Variants in NELL1 observed in about 807,000 individuals in gnomAD.
The protein encoded by NELL1 is protein kinase C-binding protein NELL1.
In NELL1, 76 loss-of-function variants were observed where a neutral mutation model predicts 107.4. The ratio of observed to expected loss-of-function variants is 0.71; its 90% CI spans 0.59 to 0.86. The LOEUF is 0.86. NELL1 is among the 40% of genes least tolerant of loss of function. NELL1 has a pLI of 0.00. For missense variants in NELL1, 1,024 were observed against 1,005.5 expected, an observed-to-expected ratio of 1.02 and a Z score of -0.25; for synonymous variants, 353 against 341.2, an observed-to-expected ratio of 1.03 and a Z score of -0.38.
intron 14 of NELL1, among the ~76,000 whole-genome samples, chr11:21,360,886 T>TC (rs2133737213): frequency 6.6e-6 from 1 of 152,306 alleles, no homozygotes; most frequent in African/African-American, 2.4e-5. Context: ...CAGCAGATAC[T>TC]TGTTTGGTGG....
intron 2 of NELL1, among the ~76,000 whole-genome samples, chr11:20,766,158 T>C (rs994182842): frequency 4.6e-5 from 7 of 152,192 alleles, no homozygotes; most frequent in Non-Finnish European, 2.9e-5. Flanking sequence ...TACTTCAGGA[T>C]TGATGTCGAG....
At chr11:21,083,951 T>C (rs1854329051) in intron 12 of NELL1, among the ~76,000 whole-genome samples, 1 of 152,200 alleles carries the variant, frequency 6.6e-6, no homozygotes, top group South Asian at 2.1e-4. Context: ...TTAAGAAATA[T>C]ACAAGGAGCC....
Position 21,219,747 on chromosome 11 carries a change from A to G in NELL1, c.1427-9585A>G, listed in dbSNP as rs556134630. On this transcript the variant is annotated intron_variant, in intron 13 of 19. Transcript: ENST00000357134. Reference sequence around the variant, plus strand: ...TAAGGAAGAGGTTGTCCTTTCTCCAATGTAAGTTGCTGGCACTTTTGTCAA... The same window carrying G: ...TAAGGAAGAGGTTGTCCTTTCTCCAGTGTAAGTTGCTGGCACTTTTGTCAA... Among the ~76,000 whole-genome samples, 28 of 152,240 alleles carry G rather than the reference A, an allele frequency of 1.8e-4. No individual in the cohort carries two copies. The East Asian group carries it at 2.7e-3, about 15-fold the overall frequency.
At chr11:21,119,401 A>AT (rs397686896) in intron 13 of NELL1, among the ~76,000 whole-genome samples, 1 of 149,594 alleles carries the variant, frequency 6.7e-6, no homozygotes, top group East Asian at 2.0e-4. Context: ...AAAAAAAAAA[A>AT]GGATTATATA....
intron 14 of NELL1, among the ~76,000 whole-genome samples, chr11:21,309,285 T>TATATATATATATATATA (rs1849687688): frequency 1.5e-5 from 1 of 68,112 alleles, no homozygotes; most frequent in Non-Finnish European, 2.5e-5. Context: ...TATATGTATA[T>TATATATATATATATATA]ATATATATAT....
chr11:21,502,486 C>T (rs1292379416), intron 15 of NELL1, among the ~76,000 whole-genome samples: 1 of 152,184 alleles, frequency 6.6e-6, no homozygotes, highest in Non-Finnish European at 1.5e-5. Context: ...TTACCATCAG[C>T]ATTTACCCAT....
intron 4 of NELL1, among the ~76,000 whole-genome samples, chr11:20,868,292 A>C (rs924205994): frequency 4.6e-5 from 7 of 152,198 alleles, no homozygotes; most frequent in African/African-American, 1.7e-4. Context: ...TCACAAAAGG[A>C]CAAATATTAT....
chr11:20,854,117 A>G (rs1848837777), intron 4 of NELL1, among the ~76,000 whole-genome samples: 1 of 152,136 alleles, frequency 6.6e-6, no homozygotes, highest in South Asian at 2.1e-4. Flanking sequence ...AATTTTCTGG[A>G]TGTCCTAAAG....
At chr11:21,278,383 A>C (rs1173852438) in intron 14 of NELL1, among the ~76,000 whole-genome samples, 1 of 152,196 alleles carries the variant, frequency 6.6e-6, no homozygotes, top group Non-Finnish European at 1.5e-5. Context: ...ATCTAAGTAG[A>C]AATTTTTTAA....
chr11:20,705,753 T>G (rs569454199), intron 2 of NELL1, among the ~76,000 whole-genome samples: 1 of 145,380 alleles, frequency 6.9e-6, no homozygotes, highest in African/African-American at 2.6e-5. Context: ...AGAAAATTTT[T>G]GCAACCTACT....
rs1300713886 is a variant in NELL1, at chr11:20,847,701, G to C, written c.454G>C (p.Val152Leu). Residue 152 changes from valine (V) to leucine (L), a missense_variant, in exon 4 of 20, where the codon GTT becomes CTT. Val to Leu is a conservative substitution (Grantham distance 32, BLOSUM62 1). Transcript: ENST00000357134. ...CATGGCAGATGGACAATGGCACAAG[G>C]TTGCACTGTCAGTTAGCGCCTCTCA... Reference protein sequence around the residue: ...YRMADGQWHKVALSVSASHLL... With the variant: ...YRMADGQWHKLALSVSASHLL... The C allele has an allele frequency of 1.2e-6, 2 of 1,613,540 alleles. No individual in the cohort carries two copies. Among genetic ancestry groups the C allele is most frequent in the Non-Finnish European group, 1.7e-6 (2 of 1,179,790 alleles).
rs1280399899 is a variant in NELL1, at chr11:20,975,802, G to T, written c.1300+15242G>T. 8.7e-5 allele frequency among the ~76,000 whole-genome samples: 10 copies of T among 115,308 alleles called. No homozygotes were observed. The South Asian group carries it at 2.3e-3, about 27-fold the overall frequency. The allele number at this position is 115,308 out of a possible 152,430, so 75.6% of individuals were successfully genotyped here. On this transcript the variant is annotated intron_variant, in intron 12 of 19. Coordinates refer to ENST00000357134, the MANE Select transcript of NELL1 (RefSeq NM_006157.5). ...TATACATATTATATATGTATTATAT[G>T]ATATACATATTATATATGTATTATA...
chr11:21,529,859 A>C (rs1475839001), intron 15 of NELL1, among the ~76,000 whole-genome samples: 2 of 152,172 alleles, frequency 1.3e-5, no homozygotes, highest in African/African-American at 4.8e-5. Flanking sequence ...GTTTGATTTT[A>C]TCATTCTCAA....
At chr11:20,939,574 A>T (rs1850805320) in intron 10 of NELL1, among the ~76,000 whole-genome samples, 1 of 152,160 alleles carries the variant, frequency 6.6e-6, no homozygotes, top group African/African-American at 2.4e-5. Flanking sequence ...CCAAGCTCTG[A>T]TTGTTCAGGA....
At chr11:21,290,493 C>T (rs1240290026) in intron 14 of NELL1, among the ~76,000 whole-genome samples, 1 of 152,166 alleles carries the variant, frequency 6.6e-6, no homozygotes, top group Non-Finnish European at 1.5e-5. Flanking sequence ...TCAACCTCTG[C>T]TAAGGGACAG....
Position 21,560,328 on chromosome 11 carries a change from C to T in NELL1, c.1926C>T (p.His642=). 1 of 1,612,284 alleles carries T rather than the reference C, an allele frequency of 6.2e-7. No individual in the cohort carries two copies. The highest frequency in any genetic ancestry group is 8.5e-7 in the Non-Finnish European group (1 of 1,179,146). The change falls in exon 17 of 20, where the codon CAC becomes CAT. Residue 642 remains histidine (H), a synonymous_variant. Transcript: ENST00000357134. ...GTCCTCATGAAGGGGGGCTGAAGCA[C>T]AATGGCCAGGTGTGGACCTTGAAAG... The part of the protein sequence containing the change: ...GDCPHEGGLK[H]NGQVWTLKED...
At chr11:20,843,412 T>C (rs112854751) in intron 3 of NELL1, among the ~76,000 whole-genome samples, 1,955 of 152,162 alleles carry the variant, frequency 0.013, 53 homozygotes, top group African/African-American at 0.044. Context: ...AGAGACCTTT[T>C]CTAAGAAATG....
chr11:20,915,284 A>C lies in NELL1; in HGVS notation c.604-2898A>C, dbSNP rs960836459. Among the ~76,000 whole-genome samples the C allele has an allele frequency of 9.9e-5, 15 of 151,928 alleles. 1 individual carries two copies. The Admixed American group carries it at 9.9e-4, about 10-fold the overall frequency. ...CAAAAGAAGCAAATGGTTGACAATA[A>C]AGCAGAATTTTTCAAAGTGAGGTCC... is the stretch of plus-strand genomic sequence containing the variant. On this transcript the variant is annotated intron_variant, in intron 5 of 19. Coordinates refer to ENST00000357134, the MANE Select transcript of NELL1 (RefSeq NM_006157.5).
chr11:20,813,954 AATTT>A (rs1306025318), intron 3 of NELL1, among the ~76,000 whole-genome samples: 12 of 151,664 alleles, frequency 7.9e-5, no homozygotes, highest in Non-Finnish European at 1.6e-4. Flanking sequence ...TTATTAATTT[AATTT>A]ATTTATTTTG....
Sources: allele counts gnomAD v4.1 joint callset (sites outside exome capture counted in the v4.1 genomes callset), GRCh38; gene constraint gnomAD v4.1.1; transcripts MANE v1.5; gene names NCBI Gene and HGNC (gene_info 2026-07-23, HGNC 2026-07-21).